Variants in TRIM29 observed in about 807,000 individuals in gnomAD.
The protein encoded by TRIM29 is tripartite motif-containing protein 29.
A neutral mutation model predicts 57.3 loss-of-function variants in TRIM29; 52 were observed. The observed-to-expected ratio is 0.91, with a 90% CI of 0.73 to 1.14. TRIM29 has a LOEUF of 1.14. TRIM29 is among the 50% of genes most tolerant of loss of function. TRIM29 has a pLI of 0.00. For missense variants in TRIM29, 753 were observed against 774.6 expected, an observed-to-expected ratio of 0.97 and a Z score of 0.33; for synonymous variants, 319 against 316.9, an observed-to-expected ratio of 1.01 and a Z score of -0.07.
At position 120,137,004 on chromosome 11, in the gene TRIM29, C is replaced by G. The variant is rs1344732483; in HGVS notation, c.804+224G>C. Among the ~76,000 whole-genome samples, 1 of 152,166 alleles carries G rather than the reference C, an allele frequency of 6.6e-6. No homozygotes were observed. Among genetic ancestry groups the G allele is most frequent in the Non-Finnish European group, 1.5e-5 (1 of 68,040 alleles). Reference sequence around the variant, plus strand: ...CTCCATCCGCTCATCTAGAAAATGTCCCTGTCTCCTGAGACCTTAGGGGAT... The same window carrying G: ...CTCCATCCGCTCATCTAGAAAATGTGCCTGTCTCCTGAGACCTTAGGGGAT... On this transcript the variant is annotated intron_variant, in intron 1 of 8. Coordinates refer to ENST00000341846, the MANE Select transcript of TRIM29 (RefSeq NM_012101.4). This position sits in a 1 kb window ranked among gnomAD's most constrained non-coding sequence, Gnocchi z 6.2.
intron 8 of TRIM29, among the ~76,000 whole-genome samples, chr11:120,113,050 G>C (rs142947842): frequency 3.9e-4 from 60 of 152,088 alleles, no homozygotes; most frequent in African/African-American, 1.4e-3. Flanking sequence ...GCCAGTTCTC[G>C]GCATCACTTC....
chr11:120,132,428 G>T (rs1411612434), intron 1 of TRIM29, among the ~76,000 whole-genome samples: 1 of 152,126 alleles, frequency 6.6e-6, no homozygotes, highest in Non-Finnish European at 1.5e-5. Flanking sequence ...TGACTCCTTT[G>T]TTCCCTTCTC....
At chr11:120,135,260 C>A (rs1452755730) in intron 1 of TRIM29, among the ~76,000 whole-genome samples, 1 of 152,108 alleles carries the variant, frequency 6.6e-6, no homozygotes, top group Non-Finnish European at 1.5e-5. Flanking sequence ...GAGGTGGGAA[C>A]CTGAATGCTC....
rs769401812 is a variant in TRIM29, at chr11:120,137,563, C to T, written c.469G>A (p.Asp157Asn). The part of the protein sequence containing the change: ...ETRRNSYPRA[D>N]TGLFSRSKSG... ...TTGGACCGTGAAAAAAGGCCCGTGT[C>T]GGCCCGGGGGTAGCTGTTCCGCCGG... Residue 157 changes from aspartate to asparagine, a missense_variant, in exon 1 of 9, where the codon GAC becomes AAC. Transcript: ENST00000341846. The surrounding 1 kb of genome is among the most constrained non-coding windows in gnomAD (Gnocchi z 6.2). The T allele has an allele frequency of 7.4e-6, 12 of 1,611,406 alleles. No homozygotes were observed. Among genetic ancestry groups the T allele is most frequent in the Non-Finnish European group, 1.0e-5 (12 of 1,179,970 alleles).
chr11:120,130,829 A>G (rs746738651), intron 1 of TRIM29, among the ~76,000 whole-genome samples: 1 of 152,144 alleles, frequency 6.6e-6, no homozygotes, highest in African/African-American at 2.4e-5. Flanking sequence ...CGGCATTGGC[A>G]AGTGAGGAGC....
intron 2 of TRIM29, 51 bp downstream of exon 2, chr11:120,128,349 G>A (rs1217172992): frequency 6.4e-7 from 1 of 1,558,790 alleles, no homozygotes; most frequent in Non-Finnish European, 8.8e-7. Flanking sequence ...GTCTTTCCAG[G>A]CAGGCCAGGT....
At chr11:120,112,596 G>T in intron 8 of TRIM29, 120 bp from the exon 9 acceptor site, 1 of 977,322 alleles carries the variant, frequency 1.0e-6, no homozygotes, top group Non-Finnish European at 1.6e-6. Flanking sequence ...CAATTCTAGG[G>T]GCCTTTTTGG....
chr11:120,122,888 A>G, intron 5 of TRIM29, 66 bp downstream of exon 5: 1 of 1,350,328 alleles, frequency 7.4e-7, no homozygotes, highest in Non-Finnish European at 1.1e-6. Flanking sequence ...GAGTCACTGC[A>G]CGGACTTTGG....
In TRIM29 at chr11:120,137,499, C is replaced by A; in HGVS notation, c.533G>T (p.Gly178Val). ...SEEVLCDSCI[G>V]NKQKAVKSCL... The stretch of plus-strand genomic sequence containing the variant: ...GGACTTGACCGCCTTCTGCTTGTTG[C>A]CGATGCAGGAGTCGCACAGCACCTC... Residue 178 changes from glycine to valine, a missense_variant, in exon 1 of 9, where the codon GGC (glycine) becomes GTC (valine). By Grantham distance (109) the Gly-to-Val change is moderately radical. Coordinates refer to ENST00000341846, the MANE Select transcript of TRIM29 (RefSeq NM_012101.4). This position sits in a 1 kb window ranked among gnomAD's most constrained non-coding sequence, Gnocchi z 6.2. The A allele has an allele frequency of 6.2e-7, 1 of 1,602,638 alleles. No individual in the cohort carries two copies. The highest frequency in any genetic ancestry group is 8.5e-7 in the Non-Finnish European group (1 of 1,179,914).
intron 6 of TRIM29, 72 bp from the exon 7 acceptor site, chr11:120,118,393 CCAGGTCTATGACTCTCTAGCCG>C: frequency 8.1e-7 from 1 of 1,239,820 alleles, no homozygotes; most frequent in Non-Finnish European, 1.1e-6. Flanking sequence ...CAGGACACAG[CCAGGTCTATGACTCTCTAGCCG>C]CTGGCCACAA....
At chr11:120,123,369 A>T (rs1190118408) in intron 4 of TRIM29, 6 of 540,368 alleles carry the variant, frequency 1.1e-5, no homozygotes, top group South Asian at 9.2e-5. Flanking sequence ...TTCTTATTTG[A>T]TCCATACATC....
chr11:120,137,908 T>C lies in TRIM29; in HGVS notation c.124A>G (p.Thr42Ala). 1 of 1,610,622 alleles carries C rather than the reference T, an allele frequency of 6.2e-7. No homozygotes were observed. Among genetic ancestry groups the C allele is most frequent in the Non-Finnish European group, 8.5e-7 (1 of 1,179,998 alleles). ...GCCTCCCCGCCGTGCCCGTTGGTGGTCTTGGCATCCTTGCCGTCAGCCTTG... is the reference window on the plus strand; with the variant it reads ...GCCTCCCCGCCGTGCCCGTTGGTGGCCTTGGCATCCTTGCCGTCAGCCTTG... ...GTKADGKDAK[T>A]TNGHGGEAAE... Residue 42 changes from threonine to alanine, a missense_variant, in exon 1 of 9, where the codon ACC (threonine) becomes GCC (alanine). Transcript: ENST00000341846. This position sits in a 1 kb window ranked among gnomAD's most constrained non-coding sequence, Gnocchi z 6.2.
intron 4 of TRIM29, chr11:120,123,974 A>G (rs1863524252): frequency 6.2e-6 from 1 of 161,458 alleles, no homozygotes; most frequent in African/African-American, 2.4e-5. Flanking sequence ...GCAGGCTAGC[A>G]TCGGGGAGGA....
intron 1 of TRIM29, among the ~76,000 whole-genome samples, chr11:120,134,339 C>G (rs1364509291): frequency 6.6e-6 from 1 of 152,204 alleles, no homozygotes; most frequent in Non-Finnish European, 1.5e-5. Context: ...CGAGGCAGGT[C>G]TGAGGCTGTA....
intron 8 of TRIM29, chr11:120,113,418 A>G (rs2134976451): frequency 3.2e-6 from 1 of 309,378 alleles, no homozygotes; most frequent in Non-Finnish European, 6.5e-6. Context: ...CGCAAGCACC[A>G]TCAGCCCCCG....
chr11:120,116,934 G>A, intron 7 of TRIM29: 2 of 387,708 alleles, frequency 5.2e-6, no homozygotes, highest in Non-Finnish European at 1.0e-5. Flanking sequence ...AGAGAAAAGG[G>A]GAGGGATGGA....
rs115405985 is a variant in TRIM29, at chr11:120,112,049, G to A, written c.*365C>T. The A allele has an allele frequency of 2.3e-3, 657 of 282,420 alleles. 7 individuals are homozygous for A. The highest frequency in any genetic ancestry group is 0.012 in the African/African-American group (517 of 43,438). The allele number at this position is 282,420 out of a possible 1,614,324, so 17.5% of individuals were successfully genotyped here. On this transcript the variant is annotated 3_prime_UTR_variant, in exon 9 of 9. Coordinates refer to ENST00000341846, the MANE Select transcript of TRIM29 (RefSeq NM_012101.4). ...GGCCTGGAGACAGCAGGGCGTGGGC[G>A]GGAGAGGCAGGCTGATACCATGCGG... is the stretch of plus-strand genomic sequence containing the variant.
intron 8 of TRIM29, chr11:120,113,570 A>G (rs1863191756): frequency 2.2e-6 from 1 of 454,920 alleles, no homozygotes; most frequent in Non-Finnish European, 4.4e-6. Flanking sequence ...CCTGTCTCTC[A>G]GGGAACTGAC....
intron 5 of TRIM29, 70 bp from the exon 6 acceptor site, chr11:120,120,735 T>C (rs749161973): frequency 2.1e-6 from 3 of 1,452,716 alleles, no homozygotes; most frequent in Middle Eastern, 1.7e-4. Flanking sequence ...CCCCAAAAAG[T>C]TGCCCAAGTG....
Sources: gnomAD v4.1 joint callset for allele counts (sites outside exome capture counted in the v4.1 genomes callset) on GRCh38, gnomAD v4.1.1 for gene constraint, Gnocchi (gnomAD v3.1) non-coding constraint, MANE v1.5 for transcripts, NCBI Gene and HGNC (gene_info 2026-07-23, HGNC 2026-07-21) for gene names.